Variants in RAVER1 observed in about 807,000 individuals in gnomAD.
RAVER1 encodes ribonucleoprotein PTB-binding 1.
Under a neutral mutation model 68.4 loss-of-function variants are expected in RAVER1, and 36 were observed. That is an observed-to-expected ratio of 0.53 (90% CI 0.40 to 0.70). The LOEUF is 0.70. RAVER1 is among the 30% of genes least tolerant of loss of function. The probability of loss-of-function intolerance (pLI) is 0.00; values close to 1 mark genes in which losing one functional copy is unlikely to be tolerated. For missense variants in RAVER1, 933 were observed against 1,019.8 expected, an observed-to-expected ratio of 0.91 and a Z score of 1.16; for synonymous variants, 469 against 472.7, an observed-to-expected ratio of 0.99 and a Z score of 0.10.
At chr19:10,327,868 G>C (rs530808630) in intron 3 of RAVER1, among the ~76,000 whole-genome samples, 5 of 152,132 alleles carry the variant, frequency 3.3e-5, no homozygotes, top group African/African-American at 1.2e-4. Flanking sequence ...GCCTGTTCTC[G>C]CCCCACTGCA....
In RAVER1 at chr19:10,328,749, G is replaced by C. The variant is rs1301301829; in HGVS notation, c.649C>G (p.Leu217Val). 2 of 1,612,720 alleles carry C rather than the reference G, an allele frequency of 1.2e-6. No homozygotes were observed. Among genetic ancestry groups the C allele is most frequent in the African/African-American group, 2.7e-5 (2 of 75,028 alleles). ...ACACAGAGGCAGCGGGAGTGGAGAA[G>C]GGCAGGCGTCAGTTGCCCGGCATCC... is the stretch of plus-strand genomic sequence containing the variant. The part of the protein sequence containing the change: ...WTDAGQLTPA[L>V]LHSRCLCVDR... Residue 217 changes from leucine to valine, a missense_variant, in exon 3 of 13, where the codon CTT becomes GTT. Leu to Val is a conservative substitution (Grantham distance 32). Transcript: ENST00000617231. The surrounding 1 kb of genome is among the most constrained non-coding windows in gnomAD (Gnocchi z 4.4).
rs2040494533 is a variant in RAVER1 at position 10,328,901 on chromosome 19, C to A, written c.497G>T (p.Ser166Ile). The A allele has an allele frequency of 1.2e-6, 2 of 1,613,148 alleles. No homozygotes were observed. Among genetic ancestry groups the A allele is most frequent in the South Asian group, 1.1e-5 (1 of 91,070 alleles). ...GCCCTTGGATTGGCCAGTGCGCTCACTGTAGACCAGGAAGCAGCGCTCCAG... is the reference window on the plus strand; with the variant it reads ...GCCCTTGGATTGGCCAGTGCGCTCAATGTAGACCAGGAAGCAGCGCTCCAG... ...GSLERCFLVY[S>I]ERTGQSKGYG... Residue 166 changes from serine (S) to isoleucine (I), a missense_variant, in exon 3 of 13, where the codon AGT (serine) becomes ATT (isoleucine). Around this residue, in one of 3 missense-constraint regions of RAVER1, gnomAD observed 211 missense variants for 230.0 expected, o/e 0.92. Transcript: ENST00000617231. The surrounding 1 kb of genome is among the most constrained non-coding windows in gnomAD (Gnocchi z 4.4).
chr19:10,323,960 C>G lies in RAVER1; in HGVS notation c.757-394G>C, dbSNP rs2040457279. Among the ~76,000 whole-genome samples, 1 of 151,924 alleles carries G rather than the reference C, an allele frequency of 6.6e-6. No individual in the cohort carries two copies. Reference sequence around the variant, plus strand: ...GGTCGGGAGTTCGAGACCAGCCTGACCAACATGGAGAAACCCCGTCTCTAC... The same window carrying G: ...GGTCGGGAGTTCGAGACCAGCCTGAGCAACATGGAGAAACCCCGTCTCTAC... On this transcript the variant is annotated intron_variant, in intron 3 of 12. Coordinates refer to ENST00000617231, the MANE Select transcript of RAVER1 (RefSeq NM_133452.3). This position sits in a 1 kb window ranked among gnomAD's most constrained non-coding sequence, Gnocchi z 6.2.
In RAVER1 at chr19:10,320,917, C is replaced by T. The variant is rs1444038605; in HGVS notation, c.1508G>A (p.Arg503Gln). 14 of 1,500,688 alleles carry T rather than the reference C, an allele frequency of 9.3e-6. No individual in the cohort carries two copies. The highest frequency in any genetic ancestry group is 2.7e-5 in the South Asian group (2 of 73,042). 93.0% of individuals were successfully genotyped at this position (1,500,688 alleles called of 1,614,324 possible). A position where few individuals can be genotyped will look rare whatever the true frequency, so the allele number is the denominator to read the frequency against. ...GTTCAGGTAGGGATTCAGGGGAATC[C>T]GGTAGTCCTTGGGGGGCTCCCCCAG... ...SLLGEPPKDY[R>Q]IPLNPYLNLH... Residue 503 changes from arginine (R) to glutamine (Q), a missense_variant, in exon 9 of 13, where the codon CGG becomes CAG. By Grantham distance (43) the Arg-to-Gln change is conservative. Coordinates refer to ENST00000617231, the MANE Select transcript of RAVER1 (RefSeq NM_133452.3).
Position 10,329,265 on chromosome 19 carries a change from C to T in RAVER1, c.287-154G>A, listed in dbSNP as rs533199546. Among the ~76,000 whole-genome samples the T allele has an allele frequency of 5.7e-4, 87 of 152,340 alleles. No homozygotes were observed. The highest frequency in any genetic ancestry group is 2.0e-3 in the African/African-American group (83 of 41,580). ...TGCCAGCCTTGGCGACTCACACAGG[C>T]GAGAGCGCCTGCCATTGACTCTAGG... On this transcript the variant is annotated intron_variant, in intron 2 of 12. Coordinates refer to ENST00000617231, the MANE Select transcript of RAVER1 (RefSeq NM_133452.3). This position sits in a 1 kb window ranked among gnomAD's most constrained non-coding sequence, Gnocchi z 4.6.
At chr19:10,321,412 C>T in intron 7 of RAVER1, 119 bp downstream of exon 7, 2 of 910,906 alleles carry the variant, frequency 2.2e-6, no homozygotes, top group Non-Finnish European at 3.0e-6. Context: ...GAGTGGAGGG[C>T]ACCCAACTGA....
chr19:10,321,732 G>GTGCCTGTCTGCCCA, intron 6 of RAVER1, 114 bp from the exon 7 acceptor site: 2 of 749,478 alleles, frequency 2.7e-6, no homozygotes, highest in Non-Finnish European at 3.8e-6. Context: ...GGCCGATCCT[G>GTGCCTGTCTGCCCA]GGCAGACAGG....
intron 9 of RAVER1, 55 bp downstream of exon 9, chr19:10,320,600 C>CA: frequency 1.4e-6 from 2 of 1,459,674 alleles, no homozygotes; most frequent in Non-Finnish European, 1.8e-6. Flanking sequence ...AGAGAAATAT[C>CA]AGTTTGGAGA....
chr19:10,326,527 C>A (rs935011575), intron 3 of RAVER1, among the ~76,000 whole-genome samples: 8 of 152,216 alleles, frequency 5.3e-5, no homozygotes, highest in Admixed American at 3.9e-4. Context: ...TAACCGCAAC[C>A]GCAGTCTTCT....
rs1278671621 is a variant in RAVER1, at chr19:10,329,585, C to T, written c.287-474G>A. 3.3e-5 allele frequency among the ~76,000 whole-genome samples: 5 copies of T among 152,124 alleles called. No individual in the cohort carries two copies. The highest frequency in any genetic ancestry group is 3.3e-4 in the Admixed American group (5 of 15,270). ...ACCCCTGTGCCCCGAGTAGGGGAGC[C>T]TGGACTTGAACCCAGGCAGCCGGAC... On this transcript the variant is annotated intron_variant, in intron 2 of 12. Transcript: ENST00000617231. This position sits in a 1 kb window ranked among gnomAD's most constrained non-coding sequence, Gnocchi z 4.6.
Position 10,321,611 on chromosome 19 carries a change from C to G in RAVER1, c.1181G>C (p.Gly394Ala). Residue 394 changes from glycine (G) to alanine (A), a missense_variant, in exon 7 of 13, where the codon GGC (glycine) becomes GCC (alanine). By Grantham distance (60) the Gly-to-Ala change is moderately conservative (BLOSUM62 0). This residue lies in a region of RAVER1 where 699 missense variants were observed against 731.1 expected (regional missense o/e 0.96). Transcript: ENST00000617231. Reference protein sequence around the residue: ...ALQTQGQKKPGILGDSPLGAL... With the variant: ...ALQTQGQKKPAILGDSPLGAL... The stretch of plus-strand genomic sequence containing the variant: ...GCCCAGGGGTGAGTCTCCCAGGATG[C>G]CGGGCTTCTAGGGACAGAGCACAGA... 1.4e-5 allele frequency: 20 copies of G among 1,412,380 alleles called. No individual in the cohort carries two copies. The highest frequency in any genetic ancestry group is 1.9e-5 in the Non-Finnish European group (20 of 1,078,794). 87.5% of individuals were successfully genotyped at this position (1,412,380 alleles called of 1,614,324 possible). A position where few individuals can be genotyped will look rare whatever the true frequency, so the allele number is the denominator to read the frequency against.
chr19:10,318,099 T>A (rs1338395809), intron 11 of RAVER1, 130 bp downstream of exon 11: 3 of 755,992 alleles, frequency 4.0e-6, no homozygotes, highest in Non-Finnish European at 4.3e-6. Flanking sequence ...TACTCCACCC[T>A]GAGCAAGACC....
chr19:10,328,321 T>G lies in RAVER1; in HGVS notation c.756+321A>C, dbSNP rs2040489338. Among the ~76,000 whole-genome samples the G allele has an allele frequency of 6.6e-6, 1 of 152,124 alleles. No individual in the cohort carries two copies. Among genetic ancestry groups the G allele is most frequent in the Non-Finnish European group, 1.5e-5 (1 of 68,006 alleles). The stretch of plus-strand genomic sequence containing the variant: ...GCTCACGCATGTAATCCCAGCACTT[T>G]GGGAGGATCACCTGAGGCCAGGAGT... On this transcript the variant is annotated intron_variant, in intron 3 of 12. Coordinates refer to ENST00000617231, the MANE Select transcript of RAVER1 (RefSeq NM_133452.3). This position sits in a 1 kb window ranked among gnomAD's most constrained non-coding sequence, Gnocchi z 4.4.
At position 10,317,185 on chromosome 19, in the gene RAVER1, G is replaced by A. The variant is rs1599296487; in HGVS notation, c.*269C>T. 3 of 503,210 alleles carry A rather than the reference G, an allele frequency of 6.0e-6. No homozygotes were observed. Among genetic ancestry groups the A allele is most frequent in the East Asian group, 3.9e-5 (1 of 25,688 alleles). 31.2% of individuals were successfully genotyped at this position (503,210 alleles called of 1,614,324 possible). ...GACGGGCACAGCGGAGGAGGAGATG[G>A]GGGGAGGGAGGGAGAGCAGGCCGGG... On this transcript the variant is annotated 3_prime_UTR_variant, in exon 13 of 13. Coordinates refer to ENST00000617231, the MANE Select transcript of RAVER1 (RefSeq NM_133452.3). The surrounding 1 kb of genome is among the most constrained non-coding windows in gnomAD (Gnocchi z 4.3).
intron 1 of RAVER1, among the ~76,000 whole-genome samples, chr19:10,331,047 T>C (rs976684231): frequency 6.7e-6 from 1 of 149,738 alleles, no homozygotes; most frequent in Non-Finnish European, 1.5e-5. Flanking sequence ...AGGGAGACAC[T>C]GTCAACAACA....
intron 3 of RAVER1, among the ~76,000 whole-genome samples, chr19:10,327,868 G>A (rs530808630): frequency 2.0e-5 from 3 of 152,250 alleles, no homozygotes; most frequent in East Asian, 1.9e-4. Flanking sequence ...GCCTGTTCTC[G>A]CCCCACTGCA....
intron 3 of RAVER1, among the ~76,000 whole-genome samples, chr19:10,324,951 A>T (rs2040463946): frequency 6.6e-6 from 1 of 152,146 alleles, no homozygotes. Flanking sequence ...TTTGGGAGGC[A>T]AAGGCAGGAG....
In RAVER1 at chr19:10,321,248, G is replaced by T. The variant is rs574742453; in HGVS notation, c.1273C>A (p.Pro425Thr). ...LGELPAGGGL[P>T]PELPPRRGKP... ...CCTCGCCGGGGCGGCAGCTCCGGGG[G>T]CAGGCCCCCTCCTAGGGAGGGAAGG... The change falls in exon 8 of 13, where the codon CCC (proline) becomes ACC (threonine). Residue 425 changes from proline to threonine, a missense_variant. Pro to Thr is a conservative substitution (Grantham distance 38). Around this residue, in one of 3 missense-constraint regions of RAVER1, gnomAD observed 699 missense variants for 731.1 expected, o/e 0.96. Coordinates refer to ENST00000617231, the MANE Select transcript of RAVER1 (RefSeq NM_133452.3). 3.9e-6 allele frequency: 5 copies of T among 1,277,060 alleles called. No homozygotes were observed. The highest frequency in any genetic ancestry group is 5.0e-6 in the Non-Finnish European group (5 of 1,008,886). 79.1% of individuals were successfully genotyped at this position (1,277,060 alleles called of 1,614,324 possible).
Position 10,328,674 on chromosome 19 carries a change from G to A in RAVER1, c.724C>T (p.Leu242=), listed in dbSNP as rs1436826582. Reference sequence around the variant, plus strand: ...AAGGTGGGGCTGTGGACAGCTGACAGCGCCCGGCACAGAGCGTCCACATCG... The same window carrying A: ...AAGGTGGGGCTGTGGACAGCTGACAACGCCCGGCACAGAGCGTCCACATCG... ...FNDVDALCRA[L]SAVHSPTFCQ... is the part of the protein sequence containing the mutation. Residue 242 remains leucine, a synonymous_variant, in exon 3 of 13, where the codon CTG becomes TTG. Coordinates refer to ENST00000617231, the MANE Select transcript of RAVER1 (RefSeq NM_133452.3). This position sits in a 1 kb window ranked among gnomAD's most constrained non-coding sequence, Gnocchi z 4.4. 3 of 1,580,122 alleles carry A rather than the reference G, an allele frequency of 1.9e-6. No individual in the cohort carries two copies. The highest frequency in any genetic ancestry group is 2.6e-6 in the Non-Finnish European group (3 of 1,163,856).
Sources: allele counts gnomAD v4.1 joint callset (sites outside exome capture counted in the v4.1 genomes callset), GRCh38; gene constraint gnomAD v4.1.1; regional missense constraint gnomAD v4.1.1; non-coding constraint Gnocchi (gnomAD v3.1); transcripts MANE v1.5; gene names NCBI Gene and HGNC (gene_info 2026-07-23, HGNC 2026-07-21).